The following ST6GALNAC3 variants were observed in gnomAD, a reference collection of about 807,000 sequenced individuals.
ST6GALNAC3 encodes the protein ST6 N-acetylgalactosaminide alpha-2,6-sialyltransferase 3.
ST6GALNAC3 carries 25 observed loss-of-function variants against 32.7 expected under a neutral mutation model. That is an observed-to-expected ratio of 0.76 (90% CI 0.56 to 1.07). The LOEUF (loss-of-function observed/expected upper bound fraction) is 1.07, where lower values mean the gene tolerates loss of function less well. Ranked by LOEUF, ST6GALNAC3 falls within the 50% of genes least tolerant of loss-of-function variation. The pLI is 0.00. For synonymous variants in ST6GALNAC3, 129 were observed against 133.1 expected, an observed-to-expected ratio of 0.97 and a Z score of 0.21; for missense variants, 355 against 382.4, an observed-to-expected ratio of 0.93 and a Z score of 0.60.
At chr1:76,169,454 G>T (rs894160757) in intron 1 of ST6GALNAC3, among the ~76,000 whole-genome samples, 2 of 152,022 alleles carry the variant, frequency 1.3e-5, no homozygotes, top group South Asian at 2.1e-4. Context: ...TTAGTAAAAA[G>T]AATTTTACTG....
intron 2 of ST6GALNAC3, among the ~76,000 whole-genome samples, chr1:76,316,345 G>T (rs998553951): frequency 6.6e-6 from 1 of 152,098 alleles, no homozygotes; most frequent in Non-Finnish European, 1.5e-5. Flanking sequence ...ACATGTAGCA[G>T]CATTTTTCCT....
At chr1:76,114,906 A>G (rs1353311834) in intron 1 of ST6GALNAC3, among the ~76,000 whole-genome samples, 2 of 147,354 alleles carry the variant, frequency 1.4e-5, no homozygotes, top group African/African-American at 5.0e-5. Flanking sequence ...GCAAAGAGTG[A>G]GACCTTGTCT....
intron 3 of ST6GALNAC3, among the ~76,000 whole-genome samples, chr1:76,512,867 C>T (rs1391088495): frequency 6.6e-6 from 1 of 152,072 alleles, no homozygotes; most frequent in Non-Finnish European, 1.5e-5. Flanking sequence ...GATGATATCG[C>T]ATTGTGGTTT....
At chr1:76,351,660 A>T (rs1648985351) in intron 2 of ST6GALNAC3, among the ~76,000 whole-genome samples, 1 of 152,128 alleles carries the variant, frequency 6.6e-6, no homozygotes, top group Admixed American at 6.6e-5. Flanking sequence ...TATAATTAAA[A>T]TTTTTTCAGA....
At chr1:76,266,554 A>C (rs1658537744) in intron 1 of ST6GALNAC3, among the ~76,000 whole-genome samples, 4 of 152,184 alleles carry the variant, frequency 2.6e-5, no homozygotes, top group Non-Finnish European at 5.9e-5. Context: ...CTATGAAAGT[A>C]ACATTCTCTA....
intron 1 of ST6GALNAC3, among the ~76,000 whole-genome samples, chr1:76,130,760 G>A (rs1649558030): frequency 6.6e-6 from 1 of 152,208 alleles, no homozygotes; most frequent in Admixed American, 6.5e-5. Context: ...CAAGCAAGAA[G>A]CTGCCTATGA....
At chr1:76,624,642 ATT>A (rs968654225) in intron 3 of ST6GALNAC3, among the ~76,000 whole-genome samples, 1 of 151,082 alleles carries the variant, frequency 6.6e-6, no homozygotes, top group Admixed American at 6.6e-5. Flanking sequence ...CCTAATTATG[ATT>A]TTTTTTTCTC....
intron 2 of ST6GALNAC3, among the ~76,000 whole-genome samples, chr1:76,373,821 C>A (rs530514922): frequency 6.4e-4 from 97 of 152,262 alleles, no homozygotes; most frequent in African/African-American, 2.2e-3. Flanking sequence ...AAAAAAAGTC[C>A]TTTTCAGAAA....
At chr1:76,178,073 A>T (rs1002561650) in intron 1 of ST6GALNAC3, among the ~76,000 whole-genome samples, 1 of 152,234 alleles carries the variant, frequency 6.6e-6, no homozygotes, top group African/African-American at 2.4e-5. Flanking sequence ...TAATTATTTA[A>T]TGTCAAACCT....
chr1:76,272,048 C>T (rs1294494941), intron 1 of ST6GALNAC3, among the ~76,000 whole-genome samples: 1 of 151,954 alleles, frequency 6.6e-6, no homozygotes, highest in Non-Finnish European at 1.5e-5. Context: ...AAAATTAAAG[C>T]CGGGCGCGGT....
intron 1 of ST6GALNAC3, among the ~76,000 whole-genome samples, chr1:76,307,044 T>G (rs904711658): frequency 6.6e-6 from 1 of 152,082 alleles, no homozygotes. Flanking sequence ...AAAGCAAGGA[T>G]TTTCACAAGA....
chr1:76,565,958 A>C (rs1013174047), intron 3 of ST6GALNAC3, among the ~76,000 whole-genome samples: 1 of 152,134 alleles, frequency 6.6e-6, no homozygotes, highest in Admixed American at 6.5e-5. Flanking sequence ...GCAGTGTTGT[A>C]TTTTTTGTTA....
At chr1:76,415,502 A>G (rs891508893) in intron 3 of ST6GALNAC3, among the ~76,000 whole-genome samples, 1 of 151,928 alleles carries the variant, frequency 6.6e-6, no homozygotes, top group African/African-American at 2.4e-5. Context: ...TTACATATTG[A>G]CTTACAGACT....
chr1:76,579,375 C>G (rs375865481), intron 3 of ST6GALNAC3, among the ~76,000 whole-genome samples: 3 of 151,822 alleles, frequency 2.0e-5, no homozygotes, highest in African/African-American at 7.3e-5. Context: ...TATTTCATTT[C>G]AAAATATTTT....
rs560865127 is a variant in ST6GALNAC3 at position 76,413,211 on chromosome 1, T to C, written c.623+794T>C. On this transcript the variant is annotated intron_variant, in intron 3 of 4. Coordinates refer to ENST00000328299, the MANE Select transcript of ST6GALNAC3 (RefSeq NM_152996.4). Reference sequence around the variant, plus strand: ...TAACTGAATTGTGTGCCATGTTTTCTTTCTTTTTAGAAAGATAACTATTAA... The same window carrying C: ...TAACTGAATTGTGTGCCATGTTTTCCTTCTTTTTAGAAAGATAACTATTAA... Among the ~76,000 whole-genome samples, 13 of 152,268 alleles carry C rather than the reference T, an allele frequency of 8.5e-5. No homozygotes were observed. The South Asian group carries it at 2.7e-3, about 31-fold the overall frequency.
At chr1:76,334,313 T>C (rs1200473678) in intron 2 of ST6GALNAC3, among the ~76,000 whole-genome samples, 1 of 152,224 alleles carries the variant, frequency 6.6e-6, no homozygotes, top group Non-Finnish European at 1.5e-5. Flanking sequence ...TGTATCTCCA[T>C]GATTATGTTA....
intron 2 of ST6GALNAC3, among the ~76,000 whole-genome samples, chr1:76,387,144 G>A (rs1652160100): frequency 6.6e-6 from 1 of 152,134 alleles, no homozygotes; most frequent in Non-Finnish European, 1.5e-5. Context: ...TTATATTGGG[G>A]ATTCAGTTTC....
chr1:76,517,537 A>G (rs530038167), intron 3 of ST6GALNAC3, among the ~76,000 whole-genome samples: 65 of 152,004 alleles, frequency 4.3e-4, no homozygotes, highest in African/African-American at 1.5e-3. Flanking sequence ...AACCTTTTAA[A>G]TTTAAACCTT....
chr1:76,238,127 C>T (rs955886113), intron 1 of ST6GALNAC3, among the ~76,000 whole-genome samples: 5 of 152,220 alleles, frequency 3.3e-5, no homozygotes, highest in Non-Finnish European at 7.3e-5. Flanking sequence ...CTGGCAATGC[C>T]TTTCCCTTGC....
Sources: gnomAD v4.1 joint callset for allele counts (sites outside exome capture counted in the v4.1 genomes callset) on GRCh38, gnomAD v4.1.1 for gene constraint, MANE v1.5 for transcripts, NCBI Gene and HGNC (gene_info 2026-07-23, HGNC 2026-07-21) for gene names.